Variants in SNTG1 observed in about 807,000 individuals in gnomAD.
SNTG1 encodes gamma-1-syntrophin.
In SNTG1, 39 loss-of-function variants were observed where a neutral mutation model predicts 74.7. That is an observed-to-expected ratio of 0.52 (90% CI 0.40 to 0.68). The LOEUF is 0.68. Ranked by LOEUF, SNTG1 falls within the 30% of genes least tolerant of loss-of-function variation. The probability of loss-of-function intolerance (pLI) is 0.00; values close to 1 mark genes in which losing one functional copy is unlikely to be tolerated. For missense variants in SNTG1, 685 were observed against 609.5 expected, an observed-to-expected ratio of 1.12 and a Z score of -1.30; for synonymous variants, 254 against 217.1, an observed-to-expected ratio of 1.17 and a Z score of -1.49.
chr8:50,224,393 T>A (rs1320937591), intron 2 of SNTG1, among the ~76,000 whole-genome samples: 1 of 152,154 alleles, frequency 6.6e-6, no homozygotes, highest in Non-Finnish European at 1.5e-5. Context: ...ACAGACATGC[T>A]TTTACTAAAG....
At chr8:50,660,335 A>G (rs10108474) in intron 15 of SNTG1, among the ~76,000 whole-genome samples, 1 of 138,494 alleles carries the variant, frequency 7.2e-6, no homozygotes, top group African/African-American at 2.7e-5. Context: ...AAGAAGAAAG[A>G]AAGAAAGAGA....
Position 50,162,726 on chromosome 8 carries a change from T to C in SNTG1, c.-102-9835T>C, listed in dbSNP as rs186136107. Reference sequence around the variant, plus strand: ...GGTATTTACGTCACATGTGTGAAGCTGAGTCCTCTGTCCTGATTGACATCA... The same window carrying C: ...GGTATTTACGTCACATGTGTGAAGCCGAGTCCTCTGTCCTGATTGACATCA... On this transcript the variant is annotated intron_variant, in intron 1 of 18. Transcript: ENST00000642720. Among the ~76,000 whole-genome samples the C allele has an allele frequency of 3.4e-3, 519 of 152,220 alleles. 6 individuals are homozygous for C. Among genetic ancestry groups the C allele is most frequent in the Admixed American group, 0.022 (342 of 15,292 alleles).
intron 15 of SNTG1, among the ~76,000 whole-genome samples, chr8:50,693,880 G>T (rs1204304194): frequency 6.6e-6 from 1 of 152,048 alleles, no homozygotes; most frequent in African/African-American, 2.4e-5. Context: ...TGATAAAATT[G>T]AAAGATACAT....
chr8:49,975,010 T>C (rs1812060393), intron 1 of SNTG1, among the ~76,000 whole-genome samples: 1 of 151,994 alleles, frequency 6.6e-6, no homozygotes, highest in South Asian at 2.1e-4. Flanking sequence ...CATGGACACG[T>C]CCATGGAAAT....
At chr8:50,277,813 C>T (rs1178742391) in intron 2 of SNTG1, among the ~76,000 whole-genome samples, 2 of 152,034 alleles carry the variant, frequency 1.3e-5, no homozygotes, top group Non-Finnish European at 2.9e-5. Context: ...TTTACATGTA[C>T]TCATTATTTT....
chr8:50,132,059 T>C (rs2081335947), intron 1 of SNTG1, among the ~76,000 whole-genome samples: 1 of 152,116 alleles, frequency 6.6e-6, no homozygotes. Context: ...ATGCTGGTAC[T>C]ATACTGTTTT....
At chr8:50,179,004 G>A (rs2083105101) in intron 2 of SNTG1, among the ~76,000 whole-genome samples, 2 of 152,114 alleles carry the variant, frequency 1.3e-5, no homozygotes, top group Non-Finnish European at 2.9e-5. Flanking sequence ...TTTATTTTGA[G>A]TTGATTTTTG....
chr8:50,683,766 A>T (rs1389251651), intron 15 of SNTG1, among the ~76,000 whole-genome samples: 1 of 152,248 alleles, frequency 6.6e-6, no homozygotes, highest in African/African-American at 2.4e-5. Flanking sequence ...GTGGAGGGAC[A>T]CTAAGATAAT....
chr8:50,203,854 A>AAAAT (rs1333279096), intron 2 of SNTG1, among the ~76,000 whole-genome samples: 1 of 152,038 alleles, frequency 6.6e-6, no homozygotes, highest in East Asian at 1.9e-4. Flanking sequence ...TTTTAGTATA[A>AAAAT]AAATAACAAT....
chr8:50,698,519 C>T (rs1329432098), intron 15 of SNTG1, among the ~76,000 whole-genome samples: 1 of 152,094 alleles, frequency 6.6e-6, no homozygotes, highest in Non-Finnish European at 1.5e-5. Context: ...CTGGTTCCAG[C>T]ATGCCAATGG....
intron 2 of SNTG1, among the ~76,000 whole-genome samples, chr8:50,282,460 G>A (rs797021705): frequency 2.1e-4 from 32 of 152,102 alleles, no homozygotes; most frequent in African/African-American, 7.0e-4. Flanking sequence ...TTACCTGAAA[G>A]TTACTCAACA....
intron 1 of SNTG1, among the ~76,000 whole-genome samples, chr8:50,079,037 A>G (rs1822156484): frequency 1.3e-5 from 2 of 152,282 alleles, no homozygotes; most frequent in South Asian, 4.1e-4. Flanking sequence ...ATGTGTCTTT[A>G]TAGTAGATTG....
chr8:50,158,428 G>A (rs74416507), intron 1 of SNTG1, among the ~76,000 whole-genome samples: 11,201 of 152,118 alleles, frequency 0.074, 1,341 homozygotes, highest in African/African-American at 0.25. Context: ...AGAGTCCCCA[G>A]GGATTGACAA....
At chr8:50,314,141 AG>A (rs2090225170) in intron 2 of SNTG1, among the ~76,000 whole-genome samples, 1 of 149,654 alleles carries the variant, frequency 6.7e-6, no homozygotes. Flanking sequence ...TTCAGTGGAC[AG>A]TTACTTATTA....
chr8:50,579,439 A>T (rs1370674201), intron 12 of SNTG1, among the ~76,000 whole-genome samples: 1 of 152,182 alleles, frequency 6.6e-6, no homozygotes. Context: ...AGTAGTGAAG[A>T]GCTGAAAGTT....
intron 2 of SNTG1, among the ~76,000 whole-genome samples, chr8:50,320,726 G>C (rs984327325): frequency 1.1e-4 from 16 of 151,838 alleles, no homozygotes; most frequent in African/African-American, 3.4e-4. Context: ...AATACCATTT[G>C]TTTCGAGAAA....
At chr8:50,051,271 A>ACACAC (rs1563524306) in intron 1 of SNTG1, among the ~76,000 whole-genome samples, 16 of 68,198 alleles carry the variant, frequency 2.3e-4, no homozygotes, top group South Asian at 1.1e-3. Context: ...CACACACACA[A>ACACAC]ACAAACAAGA....
At chr8:50,539,896 T>A (rs1336842467) in intron 11 of SNTG1, among the ~76,000 whole-genome samples, 1 of 152,200 alleles carries the variant, frequency 6.6e-6, no homozygotes, top group Non-Finnish European at 1.5e-5. Context: ...CATTCTCTAG[T>A]CCTTCAAAAA....
At chr8:50,462,131 C>T (rs1341854155) in intron 8 of SNTG1, among the ~76,000 whole-genome samples, 13 of 151,816 alleles carry the variant, frequency 8.6e-5, no homozygotes, top group Non-Finnish European at 1.6e-4. Flanking sequence ...AGCTGTACCC[C>T]TAAAACTATT....
Sources: gnomAD v4.1 joint callset for allele counts (sites outside exome capture counted in the v4.1 genomes callset) on GRCh38, gnomAD v4.1.1 for gene constraint, MANE v1.5 for transcripts, NCBI Gene and HGNC (gene_info 2026-07-23, HGNC 2026-07-21) for gene names.